The following MEOX2 variants were observed in gnomAD, a reference collection of about 807,000 sequenced individuals.
MEOX2 encodes the protein mesenchyme homeobox 2, also known as homeobox protein MOX-2.
MEOX2 carries 11 observed loss-of-function variants against 27.0 expected under a neutral mutation model. The ratio of observed to expected loss-of-function variants is 0.41; its 90% confidence interval spans 0.26 to 0.68. The LOEUF is 0.68. Among genes scored for constraint, MEOX2 ranks in the 30% least tolerant of loss-of-function variants. The probability of loss-of-function intolerance (pLI) is 0.33; values close to 1 mark genes in which losing one functional copy is unlikely to be tolerated. For missense variants in MEOX2, 436 were observed against 385.4 expected (o/e 1.13, Z -1.10); for synonymous variants, 189 against 155.4 (o/e 1.22, Z -1.61).
At chr7:15,628,303 T>C (rs960387798) in intron 1 of MEOX2, among the ~76,000 whole-genome samples, 3 of 152,128 alleles carry the variant, frequency 2.0e-5, no homozygotes, top group African/African-American at 7.2e-5. Context: ...CACTTTAATG[T>C]AAAGACTTTT....
intron 1 of MEOX2, among the ~76,000 whole-genome samples, chr7:15,648,818 C>A (rs367874372): frequency 1.9e-4 from 29 of 152,072 alleles, no homozygotes; most frequent in African/African-American, 6.7e-4. Flanking sequence ...AATTAATCAC[C>A]CAGAGGAAGT....
chr7:15,642,649 T>C (rs148042461), intron 1 of MEOX2, among the ~76,000 whole-genome samples: 2 of 152,352 alleles, frequency 1.3e-5, no homozygotes, highest in Non-Finnish European at 2.9e-5. Context: ...GCTAAAGAAC[T>C]AACATGGTCC....
chr7:15,620,043 T>C (rs1781195754), intron 2 of MEOX2, among the ~76,000 whole-genome samples: 1 of 152,076 alleles, frequency 6.6e-6, no homozygotes, highest in Non-Finnish European at 1.5e-5. Context: ...ATACTGTCAA[T>C]ATGTATTTAT....
intron 1 of MEOX2, among the ~76,000 whole-genome samples, chr7:15,635,387 A>G (rs1199119655): frequency 6.6e-6 from 1 of 152,030 alleles, no homozygotes; most frequent in Non-Finnish European, 1.5e-5. Flanking sequence ...ATACTCAAAC[A>G]GAATCTTGAG....
At chr7:15,650,648 G>T (rs1038257074) in intron 1 of MEOX2, among the ~76,000 whole-genome samples, 1 of 152,088 alleles carries the variant, frequency 6.6e-6, no homozygotes, top group South Asian at 2.1e-4. Flanking sequence ...TTCCCTTAAG[G>T]ATCATATCAT....
intron 1 of MEOX2, chr7:15,680,894 T>A (rs1782282331): frequency 6.6e-6 from 1 of 151,848 alleles, no homozygotes; most frequent in South Asian, 2.1e-4. Flanking sequence ...TGAAATCATT[T>A]ACCAATACTA....
chr7:15,636,940 C>T (rs1781488390), intron 1 of MEOX2, among the ~76,000 whole-genome samples: 1 of 151,924 alleles, frequency 6.6e-6, no homozygotes, highest in Non-Finnish European at 1.5e-5. Flanking sequence ...TCCTCATGAC[C>T]TAAACACCTC....
intron 1 of MEOX2, among the ~76,000 whole-genome samples, chr7:15,661,038 AAAAG>A (rs1781907499): frequency 3.3e-5 from 5 of 150,636 alleles, no homozygotes; most frequent in Non-Finnish European, 5.9e-5. Flanking sequence ...AAAAAAAAAA[AAAAG>A]AGAAAGAGAG....
intron 1 of MEOX2, among the ~76,000 whole-genome samples, chr7:15,663,994 G>C (rs573009504): frequency 7.2e-5 from 11 of 152,284 alleles, no homozygotes; most frequent in African/African-American, 2.6e-4. Context: ...CAAATCTTGA[G>C]AGAAAGAAAA....
rs188886041 is a variant in MEOX2, at chr7:15,631,751, G to A, written c.518-4833C>T. Among the ~76,000 whole-genome samples, 13 of 151,688 alleles carry A rather than the reference G, an allele frequency of 8.6e-5. 1 individual carries two copies. Among genetic ancestry groups the A allele is most frequent in the African/African-American group, 2.2e-4 (9 of 41,464 alleles). On this transcript the variant is annotated intron_variant, in intron 1 of 2. Coordinates refer to ENST00000262041, the MANE Select transcript of MEOX2 (RefSeq NM_005924.5). Reference sequence around the variant, plus strand: ...TGCTGTACAAAGCAATGATATAAATGGGAAAGTATGAAGATTTGAGATGCT... The same window carrying A: ...TGCTGTACAAAGCAATGATATAAATAGGAAAGTATGAAGATTTGAGATGCT...
chr7:15,614,156 G>A (rs1048596261), intron 2 of MEOX2, among the ~76,000 whole-genome samples: 11 of 150,568 alleles, frequency 7.3e-5, no homozygotes, highest in Non-Finnish European at 1.0e-4. Flanking sequence ...GAGTTTTAAA[G>A]GTTGCCTTTT....
intron 1 of MEOX2, among the ~76,000 whole-genome samples, chr7:15,669,656 T>A (rs764398438): frequency 1.1e-4 from 17 of 152,228 alleles, no homozygotes; most frequent in Admixed American, 1.3e-4. Flanking sequence ...GGCCCAGATG[T>A]TTCACGGTAT....
rs35667297 is a variant in MEOX2, at chr7:15,686,672, A to G, written c.-270T>C. Reference sequence around the variant, plus strand: ...TGAAGCCAAAAGAAGGTGGTCCCAGAGAACTGCTTTCAGGGGGAAATGGCT... The same window carrying G: ...TGAAGCCAAAAGAAGGTGGTCCCAGGGAACTGCTTTCAGGGGGAAATGGCT... On this transcript the variant is annotated 5_prime_UTR_variant, in exon 1 of 3. Transcript: ENST00000262041. 0.045 allele frequency: 21,798 copies of G among 486,752 alleles called. 749 individuals carry two copies. Among genetic ancestry groups the G allele is most frequent in the African/African-American group, 0.12 (6,104 of 52,004 alleles). 30.2% of individuals were successfully genotyped at this position (486,752 alleles called of 1,614,324 possible).
chr7:15,673,430 C>A (rs967828652), intron 1 of MEOX2, among the ~76,000 whole-genome samples: 18 of 151,842 alleles, frequency 1.2e-4, no homozygotes, highest in Non-Finnish European at 1.8e-4. Flanking sequence ...AAAAATAAAT[C>A]TGGCAGGCGT....
At chr7:15,642,381 A>AT (rs1336102376) in intron 1 of MEOX2, among the ~76,000 whole-genome samples, 3 of 151,668 alleles carry the variant, frequency 2.0e-5, no homozygotes, top group Middle Eastern at 3.4e-3. Flanking sequence ...TCTGAATTTC[A>AT]TTTTTTTCTG....
chr7:15,645,433 C>T (rs151133883), intron 1 of MEOX2, among the ~76,000 whole-genome samples: 70 of 151,996 alleles, frequency 4.6e-4, no homozygotes, highest in African/African-American at 1.4e-3. Context: ...ATCCAAATAC[C>T]GAAATGTAAA....
chr7:15,638,347 C>T (rs1562601350), intron 1 of MEOX2, among the ~76,000 whole-genome samples: 1 of 152,038 alleles, frequency 6.6e-6, no homozygotes. Flanking sequence ...ATGGCATTAT[C>T]TTTTATTTAT....
At chr7:15,653,024 G>T (rs111482864) in intron 1 of MEOX2, among the ~76,000 whole-genome samples, 1 of 151,982 alleles carries the variant, frequency 6.6e-6, no homozygotes, top group African/African-American at 2.4e-5. Flanking sequence ...TATGATAGTT[G>T]CATGTTTTGT....
At chr7:15,631,258 G>A (rs1208438608) in intron 1 of MEOX2, among the ~76,000 whole-genome samples, 1 of 151,308 alleles carries the variant, frequency 6.6e-6, no homozygotes, top group Non-Finnish European at 1.5e-5. Context: ...TGTACCTGCT[G>A]AGCAGTGATT....
Sources: gnomAD v4.1 joint callset for allele counts (sites outside exome capture counted in the v4.1 genomes callset) on GRCh38, gnomAD v4.1.1 for gene constraint, MANE v1.5 for transcripts, NCBI Gene and HGNC (gene_info 2026-07-23, HGNC 2026-07-21) for gene names.